The following MACF1 variants were observed in gnomAD, a reference collection of about 807,000 sequenced individuals.
The protein encoded by MACF1 is microtubule actin crosslinking factor 1, also known as microtubule-actin cross-linking factor 1.
A neutral mutation model predicts 854.8 loss-of-function variants in MACF1; 193 were observed. The ratio of observed to expected loss-of-function variants is 0.23; its 90% CI spans 0.20 to 0.25. The LOEUF (loss-of-function observed/expected upper bound fraction) is 0.25, where lower values mean the gene tolerates loss of function less well. MACF1 is among the 10% of genes least tolerant of loss of function. MACF1 has a pLI of 1.00. For synonymous variants in MACF1, 3,185 were observed against 3,226.7 expected, an observed-to-expected ratio of 0.99 and a Z score of 0.44; for missense variants, 7,722 against 8,929.1, an observed-to-expected ratio of 0.86 and a Z score of 5.45.
chr1:39,299,372 C>T (rs1645994951), intron 21 of MACF1: 1 of 441,228 alleles, frequency 2.3e-6, no homozygotes. Flanking sequence ...CCTAAGAAAG[C>T]CCTCTTCTGG....
At chr1:39,257,224 G>A (rs1645107146) in intron 5 of MACF1, among the ~76,000 whole-genome samples, 1 of 152,188 alleles carries the variant, frequency 6.6e-6, no homozygotes, top group African/African-American at 2.4e-5. Flanking sequence ...ACTACTCAGC[G>A]ATCAAAAGGA....
chr1:39,432,946 A>AGGG, intron 67 of MACF1, 102 bp from the exon 68 acceptor site: 1 of 739,264 alleles, frequency 1.4e-6, no homozygotes, highest in Non-Finnish European at 2.2e-6. Flanking sequence ...AAACTGTATA[A>AGGG]GAACAATTTT....
intron 2 of MACF1, among the ~76,000 whole-genome samples, chr1:39,241,706 T>C (rs1226793657): frequency 6.7e-6 from 1 of 149,508 alleles, no homozygotes; most frequent in Non-Finnish European, 1.5e-5. Context: ...CAATCCTTGC[T>C]CTTTTTTGTG....
chr1:39,283,460 C>T lies in MACF1; in HGVS notation c.860C>T (p.Ser287Leu), dbSNP rs1407665023. 1.2e-6 allele frequency: 2 copies of T among 1,612,998 alleles called. No homozygotes were observed. Among genetic ancestry groups the T allele is most frequent in the South Asian group, 2.2e-5 (2 of 91,054 alleles). ...DEKSVITYVS[S>L]IYDAFPKVPE... ...AAGTCTGTAATCACTTATGTGTCTT[C>T]GATTTATGATGCCTTCCCTAAAGTT... The change falls in exon 9 of 101, where the codon TCG becomes TTG. Residue 287 changes from serine to leucine, a missense_variant. Physicochemically the swap from Ser to Leu is moderately radical, Grantham distance 145. Transcript: ENST00000564288. The surrounding 1 kb of genome is among the most constrained non-coding windows in gnomAD (Gnocchi z 4.5).
Position 39,265,260 on chromosome 1 carries a change from T to A in MACF1, c.528+7232T>A, listed in dbSNP as rs553079607. ...CATTTGTGTTTTTGGAATGAATGAA[T>A]GAATGAGTTCTTTTGCTTTGGAGTC... On this transcript the variant is annotated intron_variant, in intron 6 of 100. Transcript: ENST00000564288. 1.3e-4 allele frequency among the ~76,000 whole-genome samples: 20 copies of A among 152,264 alleles called. No individual in the cohort carries two copies. In the East Asian group the frequency reaches 3.5e-3, roughly 26 times the overall value.
At chr1:39,133,552 CCTT>C (rs769668178) in intron 2 of MACF1, among the ~76,000 whole-genome samples, 11 of 152,046 alleles carry the variant, frequency 7.2e-5, no homozygotes, top group Non-Finnish European at 1.2e-4. Context: ...TCCTCCTCCT[CCTT>C]CTTCCTGTCT....
intron 82 of MACF1, 53 bp downstream of exon 82, chr1:39,447,951 A>G (rs1450744075): frequency 1.2e-6 from 2 of 1,610,842 alleles, no homozygotes; most frequent in Admixed American, 1.7e-5. Context: ...GGCTGCATGT[A>G]TTGAGTCTCT....
At chr1:39,386,073 T>C in intron 57 of MACF1, 144 bp downstream of exon 57, 1 of 905,886 alleles carries the variant, frequency 1.1e-6, no homozygotes, top group Non-Finnish European at 1.6e-6. Context: ...CTTCTCCTAG[T>C]TGCAGTGAGA....
chr1:39,196,379 G>GCCAA (rs1250546991), intron 2 of MACF1, among the ~76,000 whole-genome samples: 2 of 152,094 alleles, frequency 1.3e-5, no homozygotes, highest in East Asian at 3.8e-4. Flanking sequence ...ATACCACATT[G>GCCAA]CCAAACCTTA....
chr1:39,290,816 C>T (rs1399016078), intron 15 of MACF1, among the ~76,000 whole-genome samples: 9 of 151,290 alleles, frequency 5.9e-5, no homozygotes, highest in South Asian at 2.1e-4. Context: ...TACAGGCGTG[C>T]GCCACCACGC....
Position 39,385,807 on chromosome 1 carries a change from A to T in MACF1, c.14222A>T (p.Lys4741Met), listed in dbSNP as rs1650640196. 6.2e-7 allele frequency: 1 copy of T among 1,614,172 alleles called. No individual in the cohort carries two copies. Among genetic ancestry groups the T allele is most frequent in the East Asian group, 2.2e-5 (1 of 44,878 alleles). ...SDLEQLDHEV[K>M]EAQTLCDELS... ...TTGGAGCAGTTAGACCACGAGGTTA[A>T]GGAGGCTCAGACACTGTGCGATGAA... Residue 4741 changes from lysine (K) to methionine (M), a missense_variant, in exon 57 of 101, where the codon AAG (lysine) becomes ATG (methionine). Lys to Met is a moderately conservative substitution (Grantham distance 95). Coordinates refer to ENST00000564288, the MANE Select transcript of MACF1 (RefSeq NM_001394062.1).
chr1:39,483,306 G>T (rs1403603211), intron 99 of MACF1, among the ~76,000 whole-genome samples: 1 of 152,092 alleles, frequency 6.6e-6, no homozygotes, highest in Non-Finnish European at 1.5e-5. Context: ...CTTCTGTGCT[G>T]TGCAGAACAC....
At chr1:39,459,334 A>T (rs954257135) in intron 91 of MACF1, 85 bp downstream of exon 91, 1 of 1,367,768 alleles carries the variant, frequency 7.3e-7, no homozygotes, top group Admixed American at 2.7e-5. Flanking sequence ...CTTAATGTGA[A>T]CCTTGTGTCT....
intron 2 of MACF1, among the ~76,000 whole-genome samples, chr1:39,106,532 G>A (rs1642242973): frequency 6.6e-6 from 1 of 152,178 alleles, no homozygotes; most frequent in South Asian, 2.1e-4. Flanking sequence ...GGAGGCCCTT[G>A]CCTTGATCTT....
intron 1 of MACF1, among the ~76,000 whole-genome samples, chr1:39,222,877 T>G (rs1644670324): frequency 6.6e-6 from 1 of 152,212 alleles, no homozygotes; most frequent in Admixed American, 6.5e-5. Context: ...TCTCACTTGT[T>G]TTTTGAATGG....
At chr1:39,295,189 A>C (rs1441086092) in intron 19 of MACF1, 39 bp downstream of exon 19, 1 of 1,517,958 alleles carries the variant, frequency 6.6e-7, no homozygotes, top group South Asian at 1.1e-5. Flanking sequence ...AAATGCTGAG[A>C]GGTTGTTGTT....
Position 39,459,295 on chromosome 1 carries a change from CAAT to C in MACF1, c.21360+47_21360+49del, listed in dbSNP as rs552123698. 448 of 1,565,632 alleles carry C rather than the reference CAAT, an allele frequency of 2.9e-4. 2 individuals are homozygous for C. The South Asian group carries it at 5.0e-3, about 18-fold the overall frequency. ...CTTCCCTGAAACAAAGTGCTTTTTT[CAAT>C]CAAAACACAGCCCTTCTGAGGCTCT... On this transcript the variant is annotated intron_variant, in intron 91 of 100. Coordinates refer to ENST00000564288, the MANE Select transcript of MACF1 (RefSeq NM_001394062.1).
At chr1:39,420,314 C>G (rs1267742867) in intron 58 of MACF1, among the ~76,000 whole-genome samples, 1 of 152,154 alleles carries the variant, frequency 6.6e-6, no homozygotes, top group Non-Finnish European at 1.5e-5. Context: ...ATTCCTTCAC[C>G]TTCACCACCA....
intron 58 of MACF1, among the ~76,000 whole-genome samples, chr1:39,392,039 ACCAT>A (rs1355887746): frequency 6.6e-6 from 1 of 152,208 alleles, no homozygotes; most frequent in Non-Finnish European, 1.5e-5. Flanking sequence ...GTAGGTAGTT[ACCAT>A]AAAATGATCA....
Sources: allele counts gnomAD v4.1 joint callset (sites outside exome capture counted in the v4.1 genomes callset), GRCh38; gene constraint gnomAD v4.1.1; non-coding constraint Gnocchi (gnomAD v3.1); transcripts MANE v1.5; gene names NCBI Gene and HGNC (gene_info 2026-07-23, HGNC 2026-07-21).